The following ECT2 variants were observed in gnomAD, a reference collection of about 807,000 sequenced individuals.
ECT2 encodes the protein protein ECT2.
ECT2 carries 61 observed loss-of-function variants against 116.9 expected under a neutral mutation model. The observed-to-expected ratio is 0.52, with a 90% CI of 0.42 to 0.65. The LOEUF (loss-of-function observed/expected upper bound fraction) is 0.65. Among genes scored for constraint, ECT2 ranks in the 30% least tolerant of loss-of-function variants. ECT2 has a pLI of 0.00. For missense variants in ECT2, 937 were observed against 1,078.7 expected (o/e 0.87, Z 1.84); for synonymous variants, 358 against 346.4 (o/e 1.03, Z -0.37).
Position 172,762,361 on chromosome 3 carries a change from C to T in ECT2, c.759-55C>T, listed in dbSNP as rs769760442. ...TACTGTAGGTTTGTAAATTGATATA[C>T]CTAACACTTGAATTTAAGTTAAACT... On this transcript the variant is annotated intron_variant, in intron 8 of 24. Coordinates refer to ENST00000392692, the MANE Select transcript of ECT2 (RefSeq NM_001258315.2). 227 of 1,522,720 alleles carry T rather than the reference C, an allele frequency of 1.5e-4. 2 individuals are homozygous for T. Among genetic ancestry groups the T allele is most frequent in the Non-Finnish European group, 2.0e-4 (225 of 1,127,728 alleles). The allele number at this position is 1,522,720 out of a possible 1,614,324, so 94.3% of individuals were successfully genotyped here. A position where few individuals can be genotyped will look rare whatever the true frequency, so the allele number is the denominator to read the frequency against.
At position 172,761,699 on chromosome 3, in the gene ECT2, C is replaced by A; in HGVS notation, c.758+16C>A. On this transcript the variant is annotated intron_variant, in intron 8 of 24. Transcript: ENST00000392692. ...GGAATGAACAGTAAGTGTTTAGAAA[C>A]TCAGTAGTTCATTATGTAAATTAAA... The A allele has an allele frequency of 6.5e-7, 1 of 1,533,556 alleles. No homozygotes were observed. Among genetic ancestry groups the A allele is most frequent in the Non-Finnish European group, 9.0e-7 (1 of 1,114,560 alleles). 95.0% of individuals were successfully genotyped at this position (1,533,556 alleles called of 1,614,324 possible). A position where few individuals can be genotyped will look rare whatever the true frequency, so the allele number is the denominator to read the frequency against.
At chr3:172,793,485 A>G (rs192616882) in intron 18 of ECT2, among the ~76,000 whole-genome samples, 53 of 150,652 alleles carry the variant, frequency 3.5e-4, no homozygotes, top group Admixed American at 9.9e-4. Context: ...ACTTTTTAAG[A>G]TGGAGTCTTA....
chr3:172,770,025 A>G (rs1404915544), intron 13 of ECT2, among the ~76,000 whole-genome samples: 1 of 152,176 alleles, frequency 6.6e-6, no homozygotes, highest in Non-Finnish European at 1.5e-5. Context: ...GATAAAATAC[A>G]TGGATAAGAC....
intron 12 of ECT2, among the ~76,000 whole-genome samples, chr3:172,766,773 C>A (rs1156780547): frequency 6.6e-6 from 1 of 152,100 alleles, no homozygotes; most frequent in Admixed American, 6.5e-5. Flanking sequence ...AAAAGTTGAA[C>A]CAGCTTGAGA....
intron 18 of ECT2, among the ~76,000 whole-genome samples, chr3:172,792,210 T>C (rs768490267): frequency 3.3e-5 from 5 of 152,148 alleles, no homozygotes; most frequent in African/African-American, 4.8e-5. Flanking sequence ...ATGAGAAAGT[T>C]TGAAGTATTG....
Position 172,756,609 on chromosome 3 carries a change from A to G in ECT2, c.304-374A>G, listed in dbSNP as rs562611287. Reference sequence around the variant, plus strand: ...ATCATTTTCTTGGTCAGTAGTGGATATCTTTCTAATGCATCTTGATATCAA... The same window carrying G: ...ATCATTTTCTTGGTCAGTAGTGGATGTCTTTCTAATGCATCTTGATATCAA... On this transcript the variant is annotated intron_variant, in intron 4 of 24. Coordinates refer to ENST00000392692, the MANE Select transcript of ECT2 (RefSeq NM_001258315.2). Among the ~76,000 whole-genome samples, 5 of 152,318 alleles carry G rather than the reference A, an allele frequency of 3.3e-5. No individual in the cohort carries two copies. The South Asian group carries it at 6.2e-4, about 19-fold the overall frequency.
intron 13 of ECT2, among the ~76,000 whole-genome samples, 200 bp downstream of exon 13, chr3:172,769,343 A>G (rs1389051779): frequency 2.0e-5 from 3 of 152,182 alleles, no homozygotes; most frequent in Non-Finnish European, 4.4e-5. Flanking sequence ...CAGAAATAGG[A>G]CCATTTTTAA....
chr3:172,764,183 C>T, intron 11 of ECT2, 95 bp from the exon 12 acceptor site: 1 of 1,104,992 alleles, frequency 9.0e-7, no homozygotes, highest in Admixed American at 2.3e-5. Context: ...GTGCAAAATC[C>T]AGATTCTGTC....
chr3:172,777,186 G>A (rs1209101067), intron 14 of ECT2, among the ~76,000 whole-genome samples: 2 of 152,126 alleles, frequency 1.3e-5, no homozygotes, highest in African/African-American at 4.8e-5. Flanking sequence ...ATTTGATTGA[G>A]TTTGAAGTCA....
intron 22 of ECT2, among the ~76,000 whole-genome samples, chr3:172,812,556 A>T (rs1012123916): frequency 6.6e-6 from 1 of 152,184 alleles, no homozygotes; most frequent in African/African-American, 2.4e-5. Context: ...TTTATAGTTT[A>T]AAAATAAAAC....
At chr3:172,791,943 G>C (rs1474522812) in intron 18 of ECT2, among the ~76,000 whole-genome samples, 1 of 152,268 alleles carries the variant, frequency 6.6e-6, no homozygotes, top group South Asian at 2.1e-4. Context: ...AGAAATGTGT[G>C]ACTCCTCCTT....
chr3:172,790,762 C>T (rs548786981), intron 18 of ECT2, among the ~76,000 whole-genome samples: 11 of 152,224 alleles, frequency 7.2e-5, no homozygotes, highest in Non-Finnish European at 1.6e-4. Flanking sequence ...CCTTGTACAT[C>T]TCCATCAGAG....
At chr3:172,762,372 A>G in intron 8 of ECT2, 44 bp from the exon 9 acceptor site, 2 of 1,522,874 alleles carry the variant, frequency 1.3e-6, no homozygotes, top group Non-Finnish European at 1.8e-6. Flanking sequence ...CTAACACTTG[A>G]ATTTAAGTTA....
intron 18 of ECT2, among the ~76,000 whole-genome samples, chr3:172,794,607 A>T (rs1043647254): frequency 6.6e-6 from 1 of 150,870 alleles, no homozygotes; most frequent in African/African-American, 2.4e-5. Flanking sequence ...TTTTAGGAGC[A>T]TCTTGTCAGT....
At chr3:172,814,200 GTCTA>G (rs376401392) in intron 22 of ECT2, among the ~76,000 whole-genome samples, 257 of 150,446 alleles carry the variant, frequency 1.7e-3, no homozygotes, top group Non-Finnish European at 2.6e-3. Flanking sequence ...AACAAAAGCT[GTCTA>G]TCTATCAGTG....
intron 24 of ECT2, 43 bp downstream of exon 24, chr3:172,816,880 A>C (rs760489643): frequency 7.0e-7 from 1 of 1,438,440 alleles, no homozygotes; most frequent in East Asian, 2.4e-5. Flanking sequence ...TTATTTATGA[A>C]GTTGTTATGG....
intron 14 of ECT2, among the ~76,000 whole-genome samples, chr3:172,775,782 C>T (rs1416978934): frequency 6.6e-6 from 1 of 151,924 alleles, no homozygotes; most frequent in Non-Finnish European, 1.5e-5. Flanking sequence ...TACAGGCATG[C>T]ACCACCACGC....
In ECT2 at chr3:172,769,202, C is replaced by T. The variant is rs902479529; in HGVS notation, c.1428+59C>T. 69 of 1,460,758 alleles carry T rather than the reference C, an allele frequency of 4.7e-5. 1 individual carries two copies. Among genetic ancestry groups the T allele is most frequent in the Non-Finnish European group, 4.8e-5 (52 of 1,075,616 alleles). The allele number at this position is 1,460,758 out of a possible 1,614,324, so 90.5% of individuals were successfully genotyped here. A position where few individuals can be genotyped will look rare whatever the true frequency, so the allele number is the denominator to read the frequency against. On this transcript the variant is annotated intron_variant, in intron 13 of 24. Coordinates refer to ENST00000392692, the MANE Select transcript of ECT2 (RefSeq NM_001258315.2). ...TTCCAGTGTTCCTAAGTAAAAAAAT[C>T]TAGGTGATATTGTTTCTTACGAGAA... is the stretch of plus-strand genomic sequence containing the variant.
intron 14 of ECT2, among the ~76,000 whole-genome samples, chr3:172,778,302 T>C (rs1260511091): frequency 2.6e-5 from 4 of 152,196 alleles, no homozygotes; most frequent in Admixed American, 1.3e-4. Context: ...TGATGTATTA[T>C]AGACAAGGAG....
Sources: gnomAD v4.1 joint callset for allele counts (sites outside exome capture counted in the v4.1 genomes callset) on GRCh38, gnomAD v4.1.1 for gene constraint, MANE v1.5 for transcripts, NCBI Gene and HGNC (gene_info 2026-07-23, HGNC 2026-07-21) for gene names.